Variants in ATP2B1 observed in about 807,000 individuals in gnomAD.
The protein encoded by ATP2B1 is plasma membrane calcium-transporting ATPase 1.
Under a neutral mutation model 124.2 loss-of-function variants are expected in ATP2B1, and 14 were observed. That is an observed-to-expected ratio of 0.11 (90% CI 0.07 to 0.18). The LOEUF is 0.18. ATP2B1 is among the 10% of genes least tolerant of loss of function. ATP2B1 has a pLI of 1.00. For synonymous variants in ATP2B1, 449 were observed against 492.4 expected (o/e 0.91, Z 1.17); for missense variants, 763 against 1,466.1 (o/e 0.52, Z 7.83).
intron 1 of ATP2B1, among the ~76,000 whole-genome samples, chr12:89,680,938 G>A (rs1889273544): frequency 6.6e-6 from 1 of 152,170 alleles, no homozygotes. Flanking sequence ...GAATGTGGGA[G>A]CTGAGCTTTC....
At chr12:89,695,166 T>C (rs1890999253) in intron 1 of ATP2B1, among the ~76,000 whole-genome samples, 1 of 152,172 alleles carries the variant, frequency 6.6e-6, no homozygotes, top group African/African-American at 2.4e-5. Flanking sequence ...TCTTTACTTG[T>C]ATAAGAATAG....
In ATP2B1 at chr12:89,607,024, A is replaced by G. The variant is rs994461196; in HGVS notation, c.2443-2678T>C. 2.0e-4 allele frequency among the ~76,000 whole-genome samples: 30 copies of G among 152,322 alleles called. 1 individual carries two copies. The highest frequency in any genetic ancestry group is 6.7e-4 in the African/African-American group (28 of 41,576). The stretch of plus-strand genomic sequence containing the variant: ...CTCTATGGTGTTAATTGGTATTCAA[A>G]TAAAAACTAGTTCTATGATGAAACA... On this transcript the variant is annotated intron_variant, in intron 15 of 20. Transcript: ENST00000428670.
At chr12:89,598,790 G>A in intron 20 of ATP2B1, 1 of 1,604,090 alleles carries the variant, frequency 6.2e-7, no homozygotes, top group Non-Finnish European at 8.5e-7. Context: ...AAGAGAGAGA[G>A]AGAACAAGAG....
intron 3 of ATP2B1, among the ~76,000 whole-genome samples, chr12:89,640,317 G>C (rs1883308464): frequency 6.6e-6 from 1 of 152,104 alleles, no homozygotes; most frequent in African/African-American, 2.4e-5. Flanking sequence ...CAAGAATATT[G>C]TCTAAGCCTC....
chr12:89,706,198 T>C (rs1400490803), intron 1 of ATP2B1, among the ~76,000 whole-genome samples: 1 of 152,210 alleles, frequency 6.6e-6, no homozygotes, highest in Non-Finnish European at 1.5e-5. Flanking sequence ...TTTTCTAACA[T>C]GGTCTTTATT....
chr12:89,613,185 T>C (rs1264109088), intron 12 of ATP2B1, among the ~76,000 whole-genome samples: 1 of 152,150 alleles, frequency 6.6e-6, no homozygotes, highest in Non-Finnish European at 1.5e-5. Flanking sequence ...TTCACCATGT[T>C]GCCCAGACTG....
rs547395750 is a variant in ATP2B1 at position 89,701,765 on chromosome 12, T to A, written c.-222+6831A>T. 3.9e-5 allele frequency among the ~76,000 whole-genome samples: 6 copies of A among 152,252 alleles called. No individual in the cohort carries two copies. In the South Asian group the frequency reaches 6.2e-4, roughly 16 times the overall value. On this transcript the variant is annotated intron_variant, in intron 1 of 20. Coordinates refer to ENST00000428670, the MANE Select transcript of ATP2B1 (RefSeq NM_001366521.1). The stretch of plus-strand genomic sequence containing the variant: ...TCTTTGCTGTGTCACCCAGGCAGCC[T>A]CGAACTCCTGGCCTCAAGCGAACCT...
At chr12:89,648,605 G>A (rs1884820222) in intron 2 of ATP2B1, among the ~76,000 whole-genome samples, 1 of 152,252 alleles carries the variant, frequency 6.6e-6, no homozygotes, top group African/African-American at 2.4e-5. Context: ...TGGAAAATGT[G>A]CAGCCTGGAC....
intron 1 of ATP2B1, among the ~76,000 whole-genome samples, chr12:89,675,847 T>C (rs564118141): frequency 1.1e-4 from 17 of 152,310 alleles, no homozygotes; most frequent in Non-Finnish European, 2.5e-4. Context: ...TACTGTAAAG[T>C]TTCCTGACGA....
intron 11 of ATP2B1, among the ~76,000 whole-genome samples, chr12:89,619,568 G>A (rs1232695261): frequency 1.4e-5 from 2 of 147,912 alleles, no homozygotes; most frequent in Non-Finnish European, 3.0e-5. Flanking sequence ...CTGAGATCGC[G>A]CCACTGCACT....
chr12:89,683,858 G>A (rs1469441643), intron 1 of ATP2B1, among the ~76,000 whole-genome samples: 2 of 152,060 alleles, frequency 1.3e-5, no homozygotes, highest in Non-Finnish European at 2.9e-5. Flanking sequence ...AATCCACTTC[G>A]AAGATAAACC....
chr12:89,624,071 T>A (rs1880442940), intron 9 of ATP2B1, 112 bp downstream of exon 9: 1 of 904,358 alleles, frequency 1.1e-6, no homozygotes, highest in African/African-American at 1.7e-5. Flanking sequence ...TAGTGTACAT[T>A]TATATGAAAG....
chr12:89,633,239 G>A (rs1592803819), intron 5 of ATP2B1, among the ~76,000 whole-genome samples: 1 of 152,062 alleles, frequency 6.6e-6, no homozygotes, highest in African/African-American at 2.4e-5. Flanking sequence ...TGGTATAAAT[G>A]ACAACCACAC....
At chr12:89,600,379 GC>G (rs1403680483) in intron 19 of ATP2B1, among the ~76,000 whole-genome samples, 1 of 152,018 alleles carries the variant, frequency 6.6e-6, no homozygotes, top group African/African-American at 2.4e-5. Flanking sequence ...ATAGTAATGG[GC>G]TTAAAATGAA....
chr12:89,704,829 A>G (rs1265425799), intron 1 of ATP2B1, among the ~76,000 whole-genome samples: 1 of 152,148 alleles, frequency 6.6e-6, no homozygotes, highest in African/African-American at 2.4e-5. Context: ...CAGAAAAATT[A>G]AAATGTATAT....
chr12:89,701,966 C>A (rs1324005281), intron 1 of ATP2B1, among the ~76,000 whole-genome samples: 1 of 152,156 alleles, frequency 6.6e-6, no homozygotes, highest in Non-Finnish European at 1.5e-5. Flanking sequence ...CAGTATGCAA[C>A]ACAGCTCTCA....
chr12:89,618,492 C>A (rs1879395040), intron 11 of ATP2B1, among the ~76,000 whole-genome samples: 2 of 152,186 alleles, frequency 1.3e-5, no homozygotes, highest in Admixed American at 1.3e-4. Context: ...TCTCCTAAAC[C>A]ATCTATCTAC....
At chr12:89,690,794 G>T (rs1350813584) in intron 1 of ATP2B1, among the ~76,000 whole-genome samples, 1 of 151,912 alleles carries the variant, frequency 6.6e-6, no homozygotes, top group Non-Finnish European at 1.5e-5. Context: ...TTAAAATCAG[G>T]ATAATATCAA....
intron 1 of ATP2B1, among the ~76,000 whole-genome samples, chr12:89,667,576 C>A (rs901463665): frequency 6.6e-6 from 1 of 152,160 alleles, no homozygotes; most frequent in African/African-American, 2.4e-5. Flanking sequence ...TCCCCCAACA[C>A]CTGTTGTTGT....
Sources: gnomAD v4.1 joint callset for allele counts (sites outside exome capture counted in the v4.1 genomes callset) on GRCh38, gnomAD v4.1.1 for gene constraint, MANE v1.5 for transcripts, NCBI Gene and HGNC (gene_info 2026-07-23, HGNC 2026-07-21) for gene names.